The following PTPRC variants were observed in gnomAD, a reference collection of about 807,000 sequenced individuals.
The protein encoded by PTPRC is receptor-type tyrosine-protein phosphatase C.
PTPRC carries 44 observed loss-of-function variants against 155.9 expected under a neutral mutation model. That is an observed-to-expected ratio of 0.28 (90% CI 0.22 to 0.36). The LOEUF (loss-of-function observed/expected upper bound fraction) is 0.36, where lower values mean the gene tolerates loss of function less well. Ranked by LOEUF, PTPRC falls within the 10% of genes least tolerant of loss-of-function variation. PTPRC has a pLI of 1.00. For synonymous variants in PTPRC, 525 were observed against 533.1 expected, an observed-to-expected ratio of 0.98 and a Z score of 0.21; for missense variants, 1,401 against 1,564.6, an observed-to-expected ratio of 0.90 and a Z score of 1.76.
chr1:198,728,753 A>G (rs1171953740), intron 16 of PTPRC, among the ~76,000 whole-genome samples: 1 of 152,204 alleles, frequency 6.6e-6, no homozygotes, highest in Non-Finnish European at 1.5e-5. Flanking sequence ...GGAGTGTCAA[A>G]AGAAAAAGAA....
intron 26 of PTPRC, among the ~76,000 whole-genome samples, chr1:198,747,385 C>T (rs565438532): frequency 1.3e-5 from 2 of 151,568 alleles, no homozygotes; most frequent in Non-Finnish European, 2.9e-5. Context: ...CAGTCAGGGG[C>T]GTATCAATAA....
chr1:198,722,719 G>A (rs1208497320), intron 15 of PTPRC, among the ~76,000 whole-genome samples: 1 of 151,502 alleles, frequency 6.6e-6, no homozygotes, highest in Non-Finnish European at 1.5e-5. Context: ...TTCATAAGAG[G>A]ATTTATATAC....
chr1:198,726,063 A>G (rs1444266066), intron 15 of PTPRC, among the ~76,000 whole-genome samples: 1 of 152,214 alleles, frequency 6.6e-6, no homozygotes, highest in Non-Finnish European at 1.5e-5. Flanking sequence ...TATTTTATTA[A>G]GTTTGTTGAG....
chr1:198,648,566 T>C (rs1443989044), intron 2 of PTPRC, among the ~76,000 whole-genome samples: 1 of 151,670 alleles, frequency 6.6e-6, no homozygotes, highest in Non-Finnish European at 1.5e-5. Flanking sequence ...TTCTCAGAGG[T>C]TGTTTGTGTG....
intron 2 of PTPRC, among the ~76,000 whole-genome samples, chr1:198,676,717 C>T (rs983361772): frequency 6.6e-6 from 1 of 152,098 alleles, no homozygotes; most frequent in Non-Finnish European, 1.5e-5. Context: ...CTTTAAATTC[C>T]TCCAAGGAAC....
At chr1:198,674,215 T>G (rs914713855) in intron 2 of PTPRC, among the ~76,000 whole-genome samples, 1 of 152,156 alleles carries the variant, frequency 6.6e-6, no homozygotes, top group Admixed American at 6.6e-5. Flanking sequence ...CATCTGATGC[T>G]CATCACTTCA....
chr1:198,721,054 C>T (rs77347882), intron 14 of PTPRC, among the ~76,000 whole-genome samples: 10 of 152,314 alleles, frequency 6.6e-5, no homozygotes, highest in African/African-American at 2.4e-4. Flanking sequence ...TATTAAAATA[C>T]AACCTTAACG....
chr1:198,670,120 T>A (rs1035303575), intron 2 of PTPRC, among the ~76,000 whole-genome samples: 8 of 152,166 alleles, frequency 5.3e-5, no homozygotes, highest in Non-Finnish European at 7.4e-5. Flanking sequence ...GATATAGACA[T>A]TTTGTGAAAT....
intron 2 of PTPRC, among the ~76,000 whole-genome samples, chr1:198,656,657 T>TG (rs1272768649): frequency 6.6e-6 from 1 of 151,120 alleles, no homozygotes; most frequent in Non-Finnish European, 1.5e-5. Flanking sequence ...TTTTTTGTTT[T>TG]TTTTTTTTTT....
chr1:198,750,414 T>C, intron 28 of PTPRC, 78 bp from the exon 29 acceptor site: 1 of 1,462,740 alleles, frequency 6.8e-7, no homozygotes, highest in East Asian at 2.3e-5. Flanking sequence ...ACTGACTATA[T>C]TTCCAAATGG....
intron 32 of PTPRC, among the ~76,000 whole-genome samples, 194 bp from the exon 33 acceptor site, chr1:198,755,712 A>G (rs923805270): frequency 3.3e-5 from 5 of 152,096 alleles, no homozygotes; most frequent in African/African-American, 1.2e-4. Context: ...TTCAAAAAGT[A>G]TCCTGCAGTC....
intron 2 of PTPRC, among the ~76,000 whole-genome samples, chr1:198,649,317 AT>A (rs1663111890): frequency 6.6e-6 from 1 of 151,728 alleles, no homozygotes; most frequent in Non-Finnish European, 1.5e-5. Context: ...CCATGTTCTT[AT>A]TTTCTGAATT....
intron 4 of PTPRC, among the ~76,000 whole-genome samples, chr1:198,699,283 A>G (rs1470385581): frequency 1.3e-5 from 2 of 152,188 alleles, no homozygotes. Context: ...GAATTCAGAA[A>G]GCTCATAGTG....
chr1:198,683,993 T>C (rs1011331489), intron 2 of PTPRC, among the ~76,000 whole-genome samples: 3 of 151,936 alleles, frequency 2.0e-5, no homozygotes, highest in African/African-American at 7.3e-5. Flanking sequence ...TTTATAAATA[T>C]CTCAAAAGGG....
At chr1:198,659,558 CT>C (rs1204082162) in intron 2 of PTPRC, among the ~76,000 whole-genome samples, 58 of 143,284 alleles carry the variant, frequency 4.0e-4, no homozygotes, top group East Asian at 1.4e-3. Flanking sequence ...TTTTTTTTTG[CT>C]TTTTTTTTTT....
At chr1:198,642,617 C>T (rs1375242662) in intron 2 of PTPRC, among the ~76,000 whole-genome samples, 1 of 151,932 alleles carries the variant, frequency 6.6e-6, no homozygotes, top group East Asian at 1.9e-4. Flanking sequence ...TTGTAATAAT[C>T]TCTAATAACT....
Position 198,679,233 on chromosome 1 carries a change from C to CTT in PTPRC, c.74-13097_74-13096dup, listed in dbSNP as rs1245277728. 5.5e-3 allele frequency: 742 copies of CTT among 135,250 alleles called. 9 individuals carry two copies. Among genetic ancestry groups the CTT allele is most frequent in the African/African-American group, 0.019 (688 of 35,568 alleles). The allele number at this position is 135,250 out of a possible 1,614,324, so 8.4% of individuals were successfully genotyped here. On this transcript the variant is annotated intron_variant, in intron 2 of 32. Transcript: ENST00000442510. Reference sequence around the variant, plus strand: ...CTGGGGCCACGAGCACGAGCTCGTACTTTTTTTTTTTTTTTTTTGAGACGG... The same window carrying CTT: ...CTGGGGCCACGAGCACGAGCTCGTACTTTTTTTTTTTTTTTTTTTTGAGACGG...
chr1:198,651,958 A>C (rs1663277313), intron 2 of PTPRC, among the ~76,000 whole-genome samples: 1 of 151,848 alleles, frequency 6.6e-6, no homozygotes, highest in Non-Finnish European at 1.5e-5. Context: ...CTAGTTCTAC[A>C]GATTATTCAA....
rs1490479102 is a variant in PTPRC, at chr1:198,742,012, T to C, written c.2547T>C (p.Ile849=). ...TCAGCAATTTCTTCAGTGGTCCCAT[T>C]GTGGTGCACTGCAGGTAGGAAAAAC... ...NAFSNFFSGP[I]VVHCSAGVGR... is the part of the protein sequence containing the mutation. The change falls in exon 24 of 33, where the codon ATT becomes ATC. Residue 849 remains isoleucine, a synonymous_variant. Coordinates refer to ENST00000442510, the MANE Select transcript of PTPRC (RefSeq NM_002838.5). 5.0e-6 allele frequency: 8 copies of C among 1,610,908 alleles called. No homozygotes were observed. The East Asian group carries it at 6.7e-5, about 14-fold the overall frequency.
Sources: allele counts gnomAD v4.1 joint callset (sites outside exome capture counted in the v4.1 genomes callset), GRCh38; gene constraint gnomAD v4.1.1; transcripts MANE v1.5; gene names NCBI Gene and HGNC (gene_info 2026-07-23, HGNC 2026-07-21).